SMYD3: variants seen among roughly 807,000 people sequenced by gnomAD.
SMYD3 encodes SET and MYND domain containing 3, also known as histone-lysine N-methyltransferase SMYD3.
SMYD3 carries 36 observed loss-of-function variants against 57.7 expected under a neutral mutation model. The observed-to-expected ratio is 0.62, with a 90% confidence interval of 0.48 to 0.82. The LOEUF is 0.82. Ranked by LOEUF, SMYD3 falls within the 40% of genes least tolerant of loss-of-function variation. The pLI is 0.00. For synonymous variants in SMYD3, 211 were observed against 195.0 expected, an observed-to-expected ratio of 1.08 and a Z score of -0.68; for missense variants, 515 against 538.8, an observed-to-expected ratio of 0.96 and a Z score of 0.44.
chr1:246,238,197 GT>G (rs756799555), intron 5 of SMYD3, among the ~76,000 whole-genome samples: 85 of 152,156 alleles, frequency 5.6e-4, no homozygotes, highest in Admixed American at 1.8e-3. Context: ...CTGAGTAGTT[GT>G]TTTTTGTTGA....
intron 5 of SMYD3, among the ~76,000 whole-genome samples, chr1:246,033,265 A>G (rs2059711148): frequency 1.3e-5 from 2 of 152,178 alleles, no homozygotes; most frequent in African/African-American, 4.8e-5. Context: ...ATCTCTGGAG[A>G]GTTATTATCC....
intron 5 of SMYD3, chr1:246,179,046 C>G (rs2062484674): frequency 6.5e-6 from 1 of 153,280 alleles, no homozygotes; most frequent in Non-Finnish European, 1.5e-5. Flanking sequence ...ATTATATAAA[C>G]AAGTTCAAGG....
chr1:246,140,284 C>G (rs1419932147), intron 5 of SMYD3, among the ~76,000 whole-genome samples: 6 of 152,136 alleles, frequency 3.9e-5, no homozygotes, highest in Admixed American at 3.9e-4. Flanking sequence ...TTATTTTGGC[C>G]CAGACACTTT....
intron 9 of SMYD3, among the ~76,000 whole-genome samples, chr1:245,859,834 C>A (rs1278940222): frequency 6.6e-6 from 1 of 152,198 alleles, no homozygotes; most frequent in African/African-American, 2.4e-5. Context: ...CAGATCTAAT[C>A]GAGTCCTGTC....
At chr1:245,856,738 C>A (rs547344960) in intron 10 of SMYD3, among the ~76,000 whole-genome samples, 1 of 152,164 alleles carries the variant, frequency 6.6e-6, no homozygotes, top group African/African-American at 2.4e-5. Context: ...GTGGCCCGAG[C>A]AGGGCAGCCT....
chr1:246,029,814 G>A (rs2059638665), intron 5 of SMYD3, among the ~76,000 whole-genome samples: 1 of 151,834 alleles, frequency 6.6e-6, no homozygotes, highest in Non-Finnish European at 1.5e-5. Context: ...CCACAGTTAG[G>A]ATGGCTGTTA....
At chr1:246,029,456 G>A (rs964030437) in intron 5 of SMYD3, among the ~76,000 whole-genome samples, 2 of 152,042 alleles carry the variant, frequency 1.3e-5, no homozygotes, top group Non-Finnish European at 2.9e-5. Context: ...CAGATCACCT[G>A]AGGTCAGGAG....
chr1:246,293,901 TA>T (rs2064744071), intron 5 of SMYD3, among the ~76,000 whole-genome samples: 1 of 152,288 alleles, frequency 6.6e-6, no homozygotes, highest in African/African-American at 2.4e-5. Flanking sequence ...GATTCCCTAT[TA>T]TTGAACTCAA....
intron 1 of SMYD3, among the ~76,000 whole-genome samples, chr1:246,415,291 G>A (rs1020578852): frequency 6.6e-6 from 1 of 152,138 alleles, no homozygotes. Flanking sequence ...CTAGGCTTAG[G>A]ACCCAGAGAT....
chr1:245,751,542 A>AAGAGAG (rs1265115060), intron 11 of SMYD3, among the ~76,000 whole-genome samples: 1 of 129,518 alleles, frequency 7.7e-6, no homozygotes. Context: ...AAGAGAGAGA[A>AAGAGAG]AGAGAGAGAG....
chr1:245,999,363 T>C (rs571409797), intron 5 of SMYD3, among the ~76,000 whole-genome samples: 1 of 152,308 alleles, frequency 6.6e-6, no homozygotes, highest in South Asian at 2.1e-4. Context: ...CTGGGTGCTA[T>C]CCATATAACA....
chr1:246,457,532 C>CAAAAAAA lies in SMYD3; in HGVS notation c.164+49515_164+49521dup, dbSNP rs59617511. ...TGAGCAACAGAGCGAGACTCTGCCTCAAAAAAAAAAAAAAAAGAAAAGAAA... is the reference window on the plus strand; with the variant it reads ...TGAGCAACAGAGCGAGACTCTGCCTCAAAAAAAAAAAAAAAAAAAAAAAGAAAAGAAA... On this transcript the variant is annotated intron_variant, in intron 1 of 11. Transcript: ENST00000490107. Among the ~76,000 whole-genome samples, 66 of 82,314 alleles carry CAAAAAAA rather than the reference C, an allele frequency of 8.0e-4. 1 individual carries two copies. Among genetic ancestry groups the CAAAAAAA allele is most frequent in the East Asian group, 2.1e-3 (5 of 2,436 alleles). 54.0% of individuals were successfully genotyped at this position (82,314 alleles called of 152,430 possible).
chr1:246,186,568 A>G (rs2062643715), intron 5 of SMYD3, among the ~76,000 whole-genome samples: 1 of 152,186 alleles, frequency 6.6e-6, no homozygotes, highest in Non-Finnish European at 1.5e-5. Context: ...GAATTCAAAA[A>G]ACAGAATTTA....
At chr1:246,238,836 T>C (rs1572260948) in intron 5 of SMYD3, among the ~76,000 whole-genome samples, 1 of 152,082 alleles carries the variant, frequency 6.6e-6, no homozygotes, top group East Asian at 1.9e-4. Flanking sequence ...GCCTTCTTAC[T>C]TAACAAATAG....
chr1:246,461,847 C>CA (rs1462256723), intron 1 of SMYD3, among the ~76,000 whole-genome samples: 1 of 152,104 alleles, frequency 6.6e-6, no homozygotes, highest in East Asian at 1.9e-4. Flanking sequence ...ACACTTTTGG[C>CA]ATACCTGTGT....
rs562672474 is a variant in SMYD3, at chr1:246,095,127, C to A, written c.532-165190G>T. Among the ~76,000 whole-genome samples, 8 of 152,282 alleles carry A rather than the reference C, an allele frequency of 5.3e-5. No homozygotes were observed. The South Asian group carries it at 1.7e-3, about 32-fold the overall frequency. ...TGCACATATCATCGCATCAATGATG[C>A]CCAGCACTGGAATGTGTTTGTCTGT... On this transcript the variant is annotated intron_variant, in intron 5 of 11. Coordinates refer to ENST00000490107, the MANE Select transcript of SMYD3 (RefSeq NM_001167740.2).
intron 8 of SMYD3, among the ~76,000 whole-genome samples, chr1:245,864,109 G>A (rs1183037569): frequency 6.6e-6 from 1 of 152,184 alleles, no homozygotes; most frequent in Non-Finnish European, 1.5e-5. Context: ...AAAGGTTAGT[G>A]AAGATGCAGA....
At chr1:246,094,361 ACTACC>A (rs1558222670) in intron 5 of SMYD3, among the ~76,000 whole-genome samples, 1 of 152,182 alleles carries the variant, frequency 6.6e-6, no homozygotes, top group Non-Finnish European at 1.5e-5. Context: ...CCAGCAGTAT[ACTACC>A]CTAGGAGGGC....
chr1:246,371,196 A>G (rs1258431952), intron 1 of SMYD3, among the ~76,000 whole-genome samples: 1 of 152,228 alleles, frequency 6.6e-6, no homozygotes, highest in African/African-American at 2.4e-5. Flanking sequence ...TACTAACAGT[A>G]TTTAAAAGAT....
Sources: allele counts gnomAD v4.1 joint callset (sites outside exome capture counted in the v4.1 genomes callset), GRCh38; gene constraint gnomAD v4.1.1; transcripts MANE v1.5; gene names NCBI Gene and HGNC (gene_info 2026-07-23, HGNC 2026-07-21).